Variants in SLC29A1 observed in about 807,000 individuals in gnomAD.
The protein encoded by SLC29A1 is solute carrier family 29 member 1 (Augustine blood group).
SLC29A1 carries 22 observed loss-of-function variants against 48.3 expected under a neutral mutation model. The ratio of observed to expected loss-of-function variants is 0.46; its 90% CI spans 0.33 to 0.65. The LOEUF (loss-of-function observed/expected upper bound fraction) is 0.65. Among genes scored for constraint, SLC29A1 ranks in the 30% least tolerant of loss-of-function variants. The pLI is 0.03. For missense variants in SLC29A1, 491 were observed against 575.3 expected (o/e 0.85, Z 1.50); for synonymous variants, 228 against 231.0 (o/e 0.99, Z 0.12).
At position 44,227,154 on chromosome 6, in the gene SLC29A1, A is replaced by G; in HGVS notation, c.-51-109A>G. Reference sequence around the variant, plus strand: ...CAGGGTGCAGAGGGGGTCTTACTGGACTCCTCCACTGGCCTGTTCTGTCAG... The same window carrying G: ...CAGGGTGCAGAGGGGGTCTTACTGGGCTCCTCCACTGGCCTGTTCTGTCAG... On this transcript the variant is annotated intron_variant, in intron 1 of 12. Transcript: ENST00000371755. The G allele has an allele frequency of 2.9e-6, 4 of 1,375,864 alleles. No homozygotes were observed. The South Asian group carries it at 5.6e-5, about 19-fold the overall frequency. The allele number at this position is 1,375,864 out of a possible 1,614,324, so 85.2% of individuals were successfully genotyped here. A position where few individuals can be genotyped will look rare whatever the true frequency, so the allele number is the denominator to read the frequency against.
chr6:44,224,036 GC>G (rs1776912401), intron 1 of SLC29A1: 10 of 33,272 alleles, frequency 3.0e-4, no homozygotes, highest in African/African-American at 1.4e-3. Context: ...AGGCTCGCGA[GC>G]GGAGGTGCAG....
chr6:44,226,283 C>A, intron 1 of SLC29A1: 1 of 195,248 alleles, frequency 5.1e-6, no homozygotes, highest in Non-Finnish European at 9.3e-6. Context: ...CCTGGCTTCC[C>A]ATGCCACCCA....
intron 1 of SLC29A1, chr6:44,226,808 T>C (rs1192416381): frequency 9.9e-6 from 10 of 1,010,082 alleles, no homozygotes; most frequent in African/African-American, 1.7e-5. Flanking sequence ...TCCTTCCTCC[T>C]CCTCCCCCGA....
Position 44,223,899 on chromosome 6 carries a change from G to A in SLC29A1, c.-52+258G>A, listed in dbSNP as rs527511031. The A allele has an allele frequency of 7.8e-4, 773 of 995,232 alleles. 1 individual carries two copies. The highest frequency in any genetic ancestry group is 6.3e-3 in the Admixed American group (103 of 16,324). 61.7% of individuals were successfully genotyped at this position (995,232 alleles called of 1,614,324 possible). A position where few individuals can be genotyped will look rare whatever the true frequency, so the allele number is the denominator to read the frequency against. On this transcript the variant is annotated intron_variant, in intron 1 of 12. Transcript: ENST00000371755. This position sits in a 1 kb window ranked among gnomAD's most constrained non-coding sequence, Gnocchi z 5.0. ...GGCTCCCGGGCCTAAAACAGGCTGC[G>A]GTCACGTTGACCTCCGCAAGGGGCA...
upstream of SLC29A1, among the ~76,000 whole-genome samples, chr6:44,221,178 C>T (rs1776373480): frequency 6.6e-6 from 1 of 152,232 alleles, no homozygotes; most frequent in African/African-American, 2.4e-5. This position sits in a 1 kb window ranked among gnomAD's most constrained non-coding sequence, Gnocchi z 4.2. Context: ...GCCACCACTC[C>T]TGGCCTAAAA....
At chr6:44,227,443 T>G in intron 2 of SLC29A1, 101 bp downstream of exon 2, 1 of 1,016,160 alleles carries the variant, frequency 9.8e-7, no homozygotes, top group Non-Finnish European at 1.5e-6. Flanking sequence ...TGGCTGGCCT[T>G]CCAGCCAGGT....
intron 12 of SLC29A1, 86 bp from the exon 13 acceptor site, chr6:44,233,331 C>A: frequency 8.6e-7 from 1 of 1,157,330 alleles, no homozygotes; most frequent in Non-Finnish European, 1.3e-6. Context: ...AGTCAAGTTG[C>A]TCCACCCCAC....
chr6:44,233,928 A>G lies in SLC29A1; in HGVS notation c.*400A>G. ...CTGGGGTGGCTAGGAGCTGGGTCTG[A>G]CCGTTGTATGGTTTGACCTGATATA... is the stretch of plus-strand genomic sequence containing the variant. On this transcript the variant is annotated 3_prime_UTR_variant, in exon 13 of 13. Transcript: ENST00000371755. 1 of 216,338 alleles carries G rather than the reference A, an allele frequency of 4.6e-6. No individual in the cohort carries two copies. Among genetic ancestry groups the G allele is most frequent in the African/African-American group, 2.3e-5 (1 of 42,942 alleles). 13.4% of individuals were successfully genotyped at this position (216,338 alleles called of 1,614,324 possible).
At position 44,230,055 on chromosome 6, in the gene SLC29A1, G is replaced by T. The variant is rs1261523686; in HGVS notation, c.454+9G>T. 37 of 1,603,826 alleles carry T rather than the reference G, an allele frequency of 2.3e-5. No homozygotes were observed. The highest frequency in any genetic ancestry group is 3.1e-5 in the Non-Finnish European group (37 of 1,179,974). ...GATCGTGCTCATTAATTGTAAGCTG[G>T]GCCAGGAGGGGGCCTATGGGAGGAG... On this transcript the variant is annotated intron_variant, in intron 5 of 12. Coordinates refer to ENST00000371755, the MANE Select transcript of SLC29A1 (RefSeq NM_001372327.1).
intron 1 of SLC29A1, among the ~76,000 whole-genome samples, chr6:44,225,006 G>T (rs547475265): frequency 6.6e-6 from 1 of 152,168 alleles, no homozygotes; most frequent in Non-Finnish European, 1.5e-5. Flanking sequence ...GTAGCAGGGG[G>T]CCAGGGAAGA....
chr6:44,221,540 T>C (rs1380086401), upstream of SLC29A1: 1 of 1,007,300 alleles, frequency 9.9e-7, no homozygotes, highest in Non-Finnish European at 1.4e-6. The surrounding 1 kb of genome is among the most constrained non-coding windows in gnomAD (Gnocchi z 4.2). Context: ...AGGTGTAGAG[T>C]AGAGGTGCAG....
chr6:44,226,867 A>G (rs1409045497), intron 1 of SLC29A1: 4 of 1,027,986 alleles, frequency 3.9e-6, no homozygotes, highest in Non-Finnish European at 4.7e-6. Flanking sequence ...CCTTGTCATC[A>G]CTGTCCCTGA....
upstream of SLC29A1, among the ~76,000 whole-genome samples, chr6:44,220,833 G>GAAA: frequency 6.8e-6 from 1 of 146,858 alleles, no homozygotes; most frequent in African/African-American, 2.5e-5. Flanking sequence ...TTAAAGAAAA[G>GAAA]AAAAAAAAAA....
In SLC29A1 at chr6:44,229,946, C is replaced by T. The variant is rs1392758376; in HGVS notation, c.354C>T (p.Ala118=). 1 of 1,613,390 alleles carries T rather than the reference C, an allele frequency of 6.2e-7. No individual in the cohort carries two copies. Among genetic ancestry groups the T allele is most frequent in the Non-Finnish European group, 8.5e-7 (1 of 1,180,024 alleles). ...QSVRILGSLV[A]ILLVFLITAI... is the part of the protein sequence containing the mutation. ...TACGGATCCTGGGCAGCCTGGTGGC[C>T]ATCCTGCTGGTGTTTCTGATCACTG... The change falls in exon 5 of 13, where the codon GCC becomes GCT. Residue 118 remains alanine (A), a synonymous_variant. Transcript: ENST00000371755. This position sits in a 1 kb window ranked among gnomAD's most constrained non-coding sequence, Gnocchi z 5.1.
In SLC29A1 at chr6:44,231,406, T is replaced by C; in HGVS notation, c.809T>C (p.Val270Ala). 1 of 1,606,250 alleles carries C rather than the reference T, an allele frequency of 6.2e-7. No individual in the cohort carries two copies. The highest frequency in any genetic ancestry group is 8.5e-7 in the Non-Finnish European group (1 of 1,175,166). Residue 270 changes from valine to alanine, a missense_variant, in exon 9 of 13, where the codon GTC becomes GCC. Physicochemically the swap from Val to Ala is moderately conservative, Grantham distance 64. Coordinates refer to ENST00000371755, the MANE Select transcript of SLC29A1 (RefSeq NM_001372327.1). ...GGCAAAGAGGAATCTGGAGTTTCAGTCTCCAACTCTCAGCCCACCAATGAA... is the reference window on the plus strand; with the variant it reads ...GGCAAAGAGGAATCTGGAGTTTCAGCCTCCAACTCTCAGCCCACCAATGAA... ...RAGKEESGVS[V>A]SNSQPTNESH... is the part of the protein sequence containing the mutation.
Position 44,230,596 on chromosome 6 carries a change from C to T in SLC29A1, c.618C>T (p.Phe206=), listed in dbSNP as rs76642036. The change falls in exon 7 of 13, where the codon TTC becomes TTT. Residue 206 remains phenylalanine (F), a synonymous_variant. Coordinates refer to ENST00000371755, the MANE Select transcript of SLC29A1 (RefSeq NM_001372327.1). Reference sequence around the variant, plus strand: ...GCTCGGAGCTATCAGAAAGTGCCTTCGGCTACTTTATCACAGCCTGTGCTG... The same window carrying T: ...GCTCGGAGCTATCAGAAAGTGCCTTTGGCTACTTTATCACAGCCTGTGCTG... ...ASGSELSESA[F]GYFITACAVI... is the part of the protein sequence containing the mutation. 15 of 1,613,656 alleles carry T rather than the reference C, an allele frequency of 9.3e-6. No homozygotes were observed. Among genetic ancestry groups the T allele is most frequent in the South Asian group, 3.3e-5 (3 of 91,066 alleles).
chr6:44,230,272 A>G (rs1778532952), intron 5 of SLC29A1, 75 bp from the exon 6 acceptor site: 1 of 1,568,676 alleles, frequency 6.4e-7, no homozygotes, highest in African/African-American at 1.4e-5. Context: ...AGTAGGAATG[A>G]CAGGGATCTG....
chr6:44,229,656 C>T lies in SLC29A1; in HGVS notation c.179C>T (p.Ala60Val), dbSNP rs201335180. 124 of 1,614,024 alleles carry T rather than the reference C, an allele frequency of 7.7e-5. 1 individual carries two copies. Among genetic ancestry groups the T allele is most frequent in the Non-Finnish European group, 9.9e-5 (117 of 1,180,038 alleles). Residue 60 changes from alanine to valine, a missense_variant, in exon 4 of 13, where the codon GCC becomes GTC. Physicochemically the swap from Ala to Val is moderately conservative, Grantham distance 64. Coordinates refer to ENST00000371755, the MANE Select transcript of SLC29A1 (RefSeq NM_001372327.1). This position sits in a 1 kb window ranked among gnomAD's most constrained non-coding sequence, Gnocchi z 5.1. Reference protein sequence around the residue: ...SLVTAELSKDAQASAAPAAPL... With the variant: ...SLVTAELSKDVQASAAPAAPL... ...GTCACTGCTGAACTGAGCAAGGACG[C>T]CCAGGCGTCAGCCGCCCCTGCAGCA...
Position 44,232,424 on chromosome 6 carries a change from T to C in SLC29A1, c.1055T>C (p.Met352Thr), listed in dbSNP as rs1266299559. 3 of 1,609,512 alleles carry C rather than the reference T, an allele frequency of 1.9e-6. No homozygotes were observed. The highest frequency in any genetic ancestry group is 1.7e-6 in the Non-Finnish European group (2 of 1,175,888). Residue 352 changes from methionine to threonine, a missense_variant, in exon 11 of 13, where the codon ATG becomes ACG. Transcript: ENST00000371755. The surrounding 1 kb of genome is among the most constrained non-coding windows in gnomAD (Gnocchi z 4.7). The stretch of plus-strand genomic sequence containing the variant: ...GGCCGGAGCCTCACAGCTGTATTCA[T>C]GTGGGTAAGTGGAGGAAGAGGGCCC... ...WLGRSLTAVF[M>T]WPGKDSRWLP...
Sources: allele counts gnomAD v4.1 joint callset (sites outside exome capture counted in the v4.1 genomes callset), GRCh38; gene constraint gnomAD v4.1.1; non-coding constraint Gnocchi (gnomAD v3.1); transcripts MANE v1.5; gene names NCBI Gene and HGNC (gene_info 2026-07-23, HGNC 2026-07-21).